The following ZSCAN5A variants were observed in gnomAD, a reference collection of about 807,000 sequenced individuals.
ZSCAN5A encodes the protein zinc finger and SCAN domain containing 5A.
In ZSCAN5A, 12 loss-of-function variants were observed where a neutral mutation model predicts 23.7. That is an observed-to-expected ratio of 0.51 (90% CI 0.32 to 0.82). The LOEUF (loss-of-function observed/expected upper bound fraction) is 0.82, where lower values mean the gene tolerates loss of function less well. Ranked by LOEUF, ZSCAN5A falls within the 40% of genes least tolerant of loss-of-function variation. ZSCAN5A has a pLI of 0.03. For missense variants in ZSCAN5A, 597 were observed against 617.9 expected (o/e 0.97, Z 0.36); for synonymous variants, 257 against 239.9 (o/e 1.07, Z -0.66).
At chr19:56,327,615 C>A (rs970626541) in intron 2 of ZSCAN5A, among the ~76,000 whole-genome samples, 6 of 150,930 alleles carry the variant, frequency 4.0e-5, no homozygotes, top group Non-Finnish European at 7.4e-5. Flanking sequence ...TTTTACATCC[C>A]AAAATGCATA....
chr19:56,247,218 G>C (rs2035986120), intron 2 of ZSCAN5A: 1 of 509,044 alleles, frequency 2.0e-6, no homozygotes, highest in Non-Finnish European at 3.6e-6. Flanking sequence ...ACACTGGTGA[G>C]AAGCCCTACA....
intron 2 of ZSCAN5A, chr19:56,338,430 C>T (rs2041561656): frequency 6.6e-6 from 1 of 152,154 alleles, no homozygotes; most frequent in South Asian, 2.1e-4. Context: ...CCACAGCCAC[C>T]ATGGCCTTTC....
chr19:56,299,172 C>A (rs2040070586), intron 2 of ZSCAN5A, among the ~76,000 whole-genome samples: 1 of 151,942 alleles, frequency 6.6e-6, no homozygotes, highest in South Asian at 2.1e-4. Flanking sequence ...AGCTTTGTTG[C>A]CCAGGCTGGA....
intron 2 of ZSCAN5A, chr19:56,247,249 C>G (rs756256159): frequency 2.5e-6 from 1 of 405,588 alleles, no homozygotes; most frequent in African/African-American, 2.0e-5. Context: ...CTGTCACAAA[C>G]GGTTCAACAG....
intron 2 of ZSCAN5A, among the ~76,000 whole-genome samples, chr19:56,257,963 C>G (rs2036831758): frequency 7.1e-6 from 1 of 141,796 alleles, no homozygotes; most frequent in South Asian, 2.3e-4. Context: ...CCTCCCACCA[C>G]TGCCCGATCT....
intron 2 of ZSCAN5A, among the ~76,000 whole-genome samples, chr19:56,279,364 A>T (rs2038507345): frequency 6.6e-6 from 1 of 152,192 alleles, no homozygotes; most frequent in African/African-American, 2.4e-5. Context: ...GTTTATTCCT[A>T]TAGCCTAGCA....
At chr19:56,303,864 G>C (rs554574978) in intron 2 of ZSCAN5A, among the ~76,000 whole-genome samples, 1 of 152,254 alleles carries the variant, frequency 6.6e-6, no homozygotes, top group African/African-American at 2.4e-5. Flanking sequence ...TGCCTTCAGA[G>C]CAGCTTGGGG....
intron 2 of ZSCAN5A, among the ~76,000 whole-genome samples, chr19:56,294,175 C>T (rs1422940372): frequency 2.6e-5 from 4 of 152,066 alleles, no homozygotes; most frequent in Non-Finnish European, 2.9e-5. Flanking sequence ...GCTCCAGTAA[C>T]GAGCAAAAGC....
intron 2 of ZSCAN5A, among the ~76,000 whole-genome samples, chr19:56,322,592 C>T (rs1450666834): frequency 2.0e-5 from 3 of 152,204 alleles, no homozygotes; most frequent in South Asian, 2.1e-4. Flanking sequence ...CATGTAAACG[C>T]GTTCCCTCCC....
chr19:56,358,812 T>C (rs2041714399), intron 2 of ZSCAN5A, among the ~76,000 whole-genome samples: 2 of 152,196 alleles, frequency 1.3e-5, no homozygotes, highest in South Asian at 2.1e-4. Context: ...AACAACCTGC[T>C]CCTGCATGAC....
intron 2 of ZSCAN5A, among the ~76,000 whole-genome samples, chr19:56,242,622 C>T (rs1167216410): frequency 6.6e-6 from 1 of 152,150 alleles, no homozygotes; most frequent in African/African-American, 2.4e-5. Context: ...CTTCTGAAGA[C>T]CTTTCGGTTG....
At chr19:56,293,775 G>A (rs1600211279) in intron 2 of ZSCAN5A, among the ~76,000 whole-genome samples, 3 of 152,146 alleles carry the variant, frequency 2.0e-5, no homozygotes, top group East Asian at 3.9e-4. Flanking sequence ...GGTGGTAGGG[G>A]AGGCTAACGG....
intron 2 of ZSCAN5A, among the ~76,000 whole-genome samples, chr19:56,304,619 C>T (rs1260640560): frequency 2.0e-5 from 3 of 151,336 alleles, no homozygotes; most frequent in Non-Finnish European, 2.9e-5. Flanking sequence ...TGGTGAGAGG[C>T]GGGCTGAATA....
intron 2 of ZSCAN5A, among the ~76,000 whole-genome samples, chr19:56,261,501 C>T (rs373554352): frequency 6.6e-6 from 1 of 152,152 alleles, no homozygotes; most frequent in Non-Finnish European, 1.5e-5. Flanking sequence ...TTAGAGAGAA[C>T]CCTGTTATCT....
At chr19:56,344,089 A>G (rs2041613915) in intron 2 of ZSCAN5A, among the ~76,000 whole-genome samples, 1 of 152,242 alleles carries the variant, frequency 6.6e-6, no homozygotes, top group Non-Finnish European at 1.5e-5. Context: ...CTGAGACAAT[A>G]ACAAAGATCT....
chr19:56,366,020 A>G lies in ZSCAN5A; in HGVS notation c.-522+2189T>C, dbSNP rs144438807. ...CATTCTGTTCAATGCTCAGGAGAGAAACTATTTTATCAGAGCCTACCGTCT... is the reference window on the plus strand; with the variant it reads ...CATTCTGTTCAATGCTCAGGAGAGAGACTATTTTATCAGAGCCTACCGTCT... On this transcript the variant is annotated intron_variant, in intron 1 of 6. Coordinates refer to the ZSCAN5A transcript ENST00000587340. The G allele has an allele frequency of 3.9e-5, 6 of 152,308 alleles. No individual in the cohort carries two copies. In the East Asian group the frequency reaches 1.2e-3, roughly 29 times the overall value. The allele number at this position is 152,308 out of a possible 1,614,324, so 9.4% of individuals were successfully genotyped here. A position where few individuals can be genotyped will look rare whatever the true frequency, so the allele number is the denominator to read the frequency against.
chr19:56,275,373 A>G (rs1194323149), intron 2 of ZSCAN5A, among the ~76,000 whole-genome samples: 1 of 152,124 alleles, frequency 6.6e-6, no homozygotes, highest in Non-Finnish European at 1.5e-5. Context: ...GGAAAAGCTG[A>G]CTTTTCTTCT....
At chr19:56,333,879 C>T (rs1165473952) in intron 2 of ZSCAN5A, among the ~76,000 whole-genome samples, 2 of 151,524 alleles carry the variant, frequency 1.3e-5, no homozygotes, top group Non-Finnish European at 2.9e-5. Flanking sequence ...ATATAAGAAT[C>T]TTGTCTGCAT....
At chr19:56,308,500 T>C (rs2040842916) in intron 2 of ZSCAN5A, among the ~76,000 whole-genome samples, 1 of 151,886 alleles carries the variant, frequency 6.6e-6, no homozygotes, top group African/African-American at 2.4e-5. Context: ...ATTTTTGTAT[T>C]TTTAGTAGAG....
Sources: gnomAD v4.1 joint callset for allele counts (sites outside exome capture counted in the v4.1 genomes callset) on GRCh38, gnomAD v4.1.1 for gene constraint, MANE v1.5 for transcripts, NCBI Gene and HGNC (gene_info 2026-07-23, HGNC 2026-07-21) for gene names.